Variants in IL2RB observed in about 807,000 individuals in gnomAD.
IL2RB encodes interleukin 2 receptor subunit beta, also known as interleukin-2 receptor subunit beta.
Under a neutral mutation model 44.2 loss-of-function variants are expected in IL2RB, and 17 were observed. That is an observed-to-expected ratio of 0.38 (90% CI 0.26 to 0.58). The LOEUF (loss-of-function observed/expected upper bound fraction) is 0.58, where lower values mean the gene tolerates loss of function less well. Ranked by LOEUF, IL2RB falls within the 20% of genes least tolerant of loss-of-function variation. The pLI is 0.63. For synonymous variants in IL2RB, 286 were observed against 297.9 expected (o/e 0.96, Z 0.41); for missense variants, 624 against 685.5 (o/e 0.91, Z 1.00).
At chr22:37,171,760 A>G (rs1923293569) in intron 1 of IL2RB, among the ~76,000 whole-genome samples, 1 of 152,196 alleles carries the variant, frequency 6.6e-6, no homozygotes. Context: ...TTGTTCTCAG[A>G]AAGTATTTAT....
chr22:37,163,623 C>T (rs1259332328), intron 1 of IL2RB, among the ~76,000 whole-genome samples: 1 of 152,240 alleles, frequency 6.6e-6, no homozygotes, highest in Non-Finnish European at 1.5e-5. Flanking sequence ...GGACTCTTCT[C>T]AGCCCTTGGG....
chr22:37,147,526 A>G (rs1234445194), intron 1 of IL2RB, among the ~76,000 whole-genome samples: 1 of 152,194 alleles, frequency 6.6e-6, no homozygotes, highest in Non-Finnish European at 1.5e-5. Flanking sequence ...AAGCTGCCCA[A>G]TGGCTTTATT....
At chr22:37,167,140 A>C (rs1371189731) in intron 1 of IL2RB, among the ~76,000 whole-genome samples, 1 of 152,082 alleles carries the variant, frequency 6.6e-6, no homozygotes, top group Non-Finnish European at 1.5e-5. Flanking sequence ...ATTGGTACAG[A>C]TCAGAAACGG....
intron 1 of IL2RB, among the ~76,000 whole-genome samples, chr22:37,144,972 A>G (rs1922158726): frequency 6.6e-6 from 1 of 152,152 alleles, no homozygotes; most frequent in African/African-American, 2.4e-5. Flanking sequence ...CATCTGGCCA[A>G]AAAAAATTCT....
In IL2RB at chr22:37,127,643, T is replaced by G; in HGVS notation, c.*453A>C. 1 of 153,804 alleles carries G rather than the reference T, an allele frequency of 6.5e-6. No homozygotes were observed. The allele number at this position is 153,804 out of a possible 1,614,324, so 9.5% of individuals were successfully genotyped here. ...TGAACCGAGGGGGAGCGTGGCCATA[T>G]TTGGGTTTTGGAAAGCACGCTCAGG... On this transcript the variant is annotated 3_prime_UTR_variant, in exon 10 of 10. Coordinates refer to ENST00000216223, the MANE Select transcript of IL2RB (RefSeq NM_000878.5).
upstream of IL2RB, among the ~76,000 whole-genome samples, chr22:37,153,612 C>T (rs555762720): frequency 1.3e-5 from 2 of 152,326 alleles, no homozygotes; most frequent in Admixed American, 1.3e-4. Flanking sequence ...CTAAACACAA[C>T]AGCCACAACC....
chr22:37,142,143 A>T (rs943598979), intron 4 of IL2RB, among the ~76,000 whole-genome samples: 2 of 152,180 alleles, frequency 1.3e-5, no homozygotes, highest in African/African-American at 4.8e-5. Flanking sequence ...TTGATAAGGA[A>T]CACAAGTGTC....
rs1367102397 is a variant in IL2RB at position 37,139,242 on chromosome 22, G to A, written c.283-20C>T. The A allele has an allele frequency of 9.6e-6, 15 of 1,555,428 alleles. No homozygotes were observed. Among genetic ancestry groups the A allele is most frequent in the Non-Finnish European group, 1.3e-5 (15 of 1,131,984 alleles). On this transcript the variant is annotated intron_variant, in intron 4 of 9. Coordinates refer to ENST00000216223, the MANE Select transcript of IL2RB (RefSeq NM_000878.5). ...CTGAGACTGCAAGGGAAGGAGGGCA[G>A]GGGTGAAACTTCTAGCAGCTTCAGG...
chr22:37,128,225 G>A lies in IL2RB; in HGVS notation c.1527C>T (p.Val509=). The A allele has an allele frequency of 6.6e-7, 1 of 1,511,280 alleles. No individual in the cohort carries two copies. The highest frequency in any genetic ancestry group is 8.8e-7 in the Non-Finnish European group (1 of 1,131,568). The allele number at this position is 1,511,280 out of a possible 1,614,324, so 93.6% of individuals were successfully genotyped here. ...EVPDAGPREG[V]SFPWSRPPGQ... ...CAGGAGGCCTGGACCAGGGGAAACTGACTCCCTCCCTGGGGCCAGCGTCAG... is the reference window on the plus strand; with the variant it reads ...CAGGAGGCCTGGACCAGGGGAAACTAACTCCCTCCCTGGGGCCAGCGTCAG... Residue 509 remains valine, a synonymous_variant, in exon 10 of 10, where the codon GTC becomes GTT. Coordinates refer to ENST00000216223, the MANE Select transcript of IL2RB (RefSeq NM_000878.5). This position sits in a 1 kb window ranked among gnomAD's most constrained non-coding sequence, Gnocchi z 4.5.
chr22:37,138,094 C>T (rs79572807), intron 5 of IL2RB, among the ~76,000 whole-genome samples: 1,663 of 152,302 alleles, frequency 0.011, 15 homozygotes, highest in Non-Finnish European at 0.015. Context: ...TCCTTGGCAC[C>T]TGGAAGATTA....
intron 4 of IL2RB, 53 bp downstream of exon 4, chr22:37,142,381 G>A (rs543644879): frequency 4.6e-5 from 71 of 1,530,630 alleles, no homozygotes; most frequent in South Asian, 4.6e-4. Flanking sequence ...ATCGCAGCCC[G>A]GAGCTGGGAG....
At chr22:37,140,546 A>G (rs1020531699) in intron 4 of IL2RB, among the ~76,000 whole-genome samples, 7 of 152,222 alleles carry the variant, frequency 4.6e-5, no homozygotes, top group African/African-American at 1.7e-4. Flanking sequence ...TGGTGGAGCC[A>G]GGATCAGAAA....
Position 37,128,127 on chromosome 22 carries a change from A to T in IL2RB, c.1625T>A (p.Leu542His). The change falls in exon 10 of 10, where the codon CTC becomes CAC. Residue 542 changes from leucine (L) to histidine (H), a missense_variant. This residue lies in a region of IL2RB where 291 missense variants were observed against 275.5 expected (regional missense o/e 1.06). Transcript: ENST00000216223. This position sits in a 1 kb window ranked among gnomAD's most constrained non-coding sequence, Gnocchi z 4.5. Reference protein sequence around the residue: ...NTDAYLSLQELQGQDPTHLV With the variant: ...NTDAYLSLQEHQGQDPTHLV ...CAAGTGAGTTGGGTCCTGACCCTGGAGTTCTTGGAGGGACAAGTAGGCATC... is the reference window on the plus strand; with the variant it reads ...CAAGTGAGTTGGGTCCTGACCCTGGTGTTCTTGGAGGGACAAGTAGGCATC... 6.3e-7 allele frequency: 1 copy of T among 1,576,352 alleles called. No homozygotes were observed. Among genetic ancestry groups the T allele is most frequent in the Non-Finnish European group, 8.6e-7 (1 of 1,165,382 alleles).
chr22:37,159,002 G>A (rs1404548997), intron 1 of IL2RB, among the ~76,000 whole-genome samples: 2 of 152,278 alleles, frequency 1.3e-5, no homozygotes, highest in Admixed American at 1.3e-4. Flanking sequence ...CCAGTGTCCT[G>A]TGATGGGGAC....
intron 1 of IL2RB, among the ~76,000 whole-genome samples, chr22:37,158,149 C>T (rs1179857306): frequency 6.6e-6 from 1 of 152,136 alleles, no homozygotes; most frequent in African/African-American, 2.4e-5. Flanking sequence ...AAAGTAACTC[C>T]TGCAGTCACG....
Position 37,143,641 on chromosome 22 carries a change from G to A in IL2RB, c.89-6C>T, listed in dbSNP as rs375879383. On this transcript the variant is annotated splice_region_variant and splice_polypyrimidine_tract_variant and intron_variant, in intron 2 of 9. Transcript: ENST00000216223. ...GCATGTGAACTGGGAAGTGCCTGCC[G>A]GGCAAGATGAGGTGTGAGTGCTGAC... 1.1e-4 allele frequency: 176 copies of A among 1,604,490 alleles called. 1 individual carries two copies. Among genetic ancestry groups the A allele is most frequent in the Middle Eastern group, 6.6e-4 (4 of 6,070 alleles).
chr22:37,153,882 T>C (rs1475034154), upstream of IL2RB, among the ~76,000 whole-genome samples: 2 of 152,204 alleles, frequency 1.3e-5, no homozygotes, highest in African/African-American at 4.8e-5. Context: ...CAGACCCAGC[T>C]TGCAAGGAGC....
At chr22:37,149,738 G>T in intron 1 of IL2RB, 87 bp downstream of exon 1, 2 of 581,874 alleles carry the variant, frequency 3.4e-6, no homozygotes, top group African/African-American at 2.0e-5. Flanking sequence ...GGGGAACTGA[G>T]TCAGAGCTGA....
intron 1 of IL2RB, among the ~76,000 whole-genome samples, chr22:37,157,839 A>G (rs1342047517): frequency 6.6e-6 from 1 of 152,200 alleles, no homozygotes; most frequent in East Asian, 1.9e-4. Context: ...TGACATACGG[A>G]CAGTGTCAAT....
Sources: gnomAD v4.1 joint callset for allele counts (sites outside exome capture counted in the v4.1 genomes callset) on GRCh38, gnomAD v4.1.1 for gene constraint, gnomAD v4.1.1 regional missense constraint, Gnocchi (gnomAD v3.1) non-coding constraint, MANE v1.5 for transcripts, NCBI Gene and HGNC (gene_info 2026-07-23, HGNC 2026-07-21) for gene names.